DLGAP1: variants seen among roughly 807,000 people sequenced by gnomAD.
DLGAP1 encodes the protein DLG associated protein 1.
A neutral mutation model predicts 90.8 loss-of-function variants in DLGAP1; 11 were observed. That is an observed-to-expected ratio of 0.12 (90% CI 0.08 to 0.20). The LOEUF (loss-of-function observed/expected upper bound fraction) is 0.20, where lower values mean the gene tolerates loss of function less well. DLGAP1 is among the 10% of genes least tolerant of loss of function. The probability of loss-of-function intolerance (pLI) is 1.00; values close to 1 mark genes in which losing one functional copy is unlikely to be tolerated. For synonymous variants in DLGAP1, 558 were observed against 540.7 expected, an observed-to-expected ratio of 1.03 and a Z score of -0.44; for missense variants, 1,050 against 1,333.8, an observed-to-expected ratio of 0.79 and a Z score of 3.31.
chr18:4,157,672 G>A (rs2076779738), intron 1 of DLGAP1, among the ~76,000 whole-genome samples: 1 of 152,198 alleles, frequency 6.6e-6, no homozygotes, highest in Non-Finnish European at 1.5e-5. Flanking sequence ...AGCAGGGGCT[G>A]TCTGCACACT....
intron 2 of DLGAP1, among the ~76,000 whole-genome samples, chr18:4,122,537 T>C (rs1398364643): frequency 2.0e-5 from 3 of 152,230 alleles, no homozygotes; most frequent in African/African-American, 7.2e-5. Flanking sequence ...TGTGGAACTG[T>C]AGTGAAAATG....
intron 7 of DLGAP1, among the ~76,000 whole-genome samples, chr18:3,701,523 A>G (rs1403709593): frequency 1.3e-5 from 2 of 152,254 alleles, no homozygotes; most frequent in Non-Finnish European, 2.9e-5. Flanking sequence ...TGCTTATGTG[A>G]TAAATTTGGT....
chr18:4,307,958 C>T (rs535779606), intron 1 of DLGAP1, among the ~76,000 whole-genome samples: 1 of 152,232 alleles, frequency 6.6e-6, no homozygotes, highest in South Asian at 2.1e-4. Flanking sequence ...TCAGGTGATT[C>T]CCCTGCCTCA....
intron 2 of DLGAP1, among the ~76,000 whole-genome samples, chr18:4,088,440 T>C (rs1207654416): frequency 1.3e-5 from 2 of 152,166 alleles, no homozygotes; most frequent in African/African-American, 2.4e-5. Flanking sequence ...TGTGTGTGTG[T>C]GTGTGTGTGT....
chr18:3,627,748 A>G (rs2058349250), intron 7 of DLGAP1, among the ~76,000 whole-genome samples: 1 of 151,938 alleles, frequency 6.6e-6, no homozygotes, highest in Non-Finnish European at 1.5e-5. Flanking sequence ...GCAACTTCAA[A>G]TTCCTAAGCT....
At chr18:3,635,839 C>A (rs145122143) in intron 7 of DLGAP1, among the ~76,000 whole-genome samples, 2 of 151,530 alleles carry the variant, frequency 1.3e-5, no homozygotes, top group Non-Finnish European at 2.9e-5. Context: ...TTGGTCTTGA[C>A]AGGCCTTCCT....
intron 1 of DLGAP1, among the ~76,000 whole-genome samples, chr18:4,212,971 ATAAAT>A (rs1411588400): frequency 6.6e-6 from 1 of 152,202 alleles, no homozygotes; most frequent in African/African-American, 2.4e-5. Flanking sequence ...AAAGTGGCAA[ATAAAT>A]TATATTTACA....
At chr18:3,930,522 C>A (rs958257220) in intron 3 of DLGAP1, among the ~76,000 whole-genome samples, 7 of 152,100 alleles carry the variant, frequency 4.6e-5, no homozygotes, top group African/African-American at 1.7e-4. Flanking sequence ...CGGATCTGAG[C>A]GTGTCCTGCA....
Position 3,686,826 on chromosome 18 carries a change from A to G in DLGAP1, c.1591+42309T>C, listed in dbSNP as rs1414149122. On this transcript the variant is annotated intron_variant, in intron 7 of 12. Coordinates refer to ENST00000315677, the MANE Select transcript of DLGAP1 (RefSeq NM_004746.4). Reference sequence around the variant, plus strand: ...AATAATGCCCCTCCCCCAGAGATACATAAGTTCTAATCCTGGAACCTATAA... The same window carrying G: ...AATAATGCCCCTCCCCCAGAGATACGTAAGTTCTAATCCTGGAACCTATAA... 2.6e-5 allele frequency among the ~76,000 whole-genome samples: 4 copies of G among 152,212 alleles called. No individual in the cohort carries two copies. In the East Asian group the frequency reaches 5.8e-4, roughly 22 times the overall value.
Position 3,526,362 on chromosome 18 carries a change from G to C in DLGAP1, c.2479+7832C>G, listed in dbSNP as rs565032809. Among the ~76,000 whole-genome samples the C allele has an allele frequency of 6.1e-4, 93 of 152,160 alleles. 1 individual carries two copies. Among genetic ancestry groups the C allele is most frequent in the Non-Finnish European group, 1.1e-3 (73 of 68,026 alleles). ...TAAACCCTGGGTGATGGCACCGATA[G>C]ACCATCACAATGACTGTGCACAGTT... On this transcript the variant is annotated intron_variant, in intron 10 of 12. Transcript: ENST00000315677. The surrounding 1 kb of genome is among the most constrained non-coding windows in gnomAD (Gnocchi z 4.7).
chr18:4,415,936 T>G (rs547289287), intron 1 of DLGAP1, among the ~76,000 whole-genome samples: 2 of 152,186 alleles, frequency 1.3e-5, no homozygotes, highest in Non-Finnish European at 2.9e-5. Context: ...TTTCAGAACT[T>G]GTGAGTCCTC....
chr18:4,400,928 A>C (rs1039218701), intron 1 of DLGAP1, among the ~76,000 whole-genome samples: 5 of 152,078 alleles, frequency 3.3e-5, no homozygotes, highest in Non-Finnish European at 7.4e-5. Flanking sequence ...CTCCCTACTG[A>C]AGTTTACTTT....
At position 3,600,911 on chromosome 18, in the gene DLGAP1, G is replaced by A. The variant is rs1322286510; in HGVS notation, c.1592-18663C>T. ...ATATATAGATATATATAGATATATA[G>A]ATAGATATAGATATATATAGATATA... On this transcript the variant is annotated intron_variant, in intron 7 of 12. Transcript: ENST00000315677. Among the ~76,000 whole-genome samples, 3 of 74,498 alleles carry A rather than the reference G, an allele frequency of 4.0e-5. 1 individual carries two copies. The highest frequency in any genetic ancestry group is 1.4e-4 in the African/African-American group (3 of 21,160). The allele number at this position is 74,498 out of a possible 152,430, so 48.9% of individuals were successfully genotyped here. A position where few individuals can be genotyped will look rare whatever the true frequency, so the allele number is the denominator to read the frequency against.
chr18:3,734,766 T>C (rs2062574826), intron 6 of DLGAP1, among the ~76,000 whole-genome samples: 1 of 152,206 alleles, frequency 6.6e-6, no homozygotes, highest in Non-Finnish European at 1.5e-5. Context: ...TCTTTTGGGT[T>C]ATCTTTTCTT....
intron 2 of DLGAP1, among the ~76,000 whole-genome samples, chr18:4,041,082 CGCAGCACCCGAAGT>C (rs2074967084): frequency 6.6e-6 from 1 of 152,150 alleles, no homozygotes; most frequent in South Asian, 2.1e-4. Flanking sequence ...AGAGAGCAAA[CGCAGCACCCGAAGT>C]GTTCCTCCAA....
intron 3 of DLGAP1, among the ~76,000 whole-genome samples, chr18:3,890,667 T>C (rs1262490734): frequency 6.6e-6 from 1 of 152,230 alleles, no homozygotes; most frequent in Non-Finnish European, 1.5e-5. Context: ...TATTTTTTGC[T>C]GTGATAGAGA....
At position 4,064,490 on chromosome 18, in the gene DLGAP1, A is replaced by G. The variant is rs559829213; in HGVS notation, c.-158-59289T>C. 3.3e-5 allele frequency among the ~76,000 whole-genome samples: 5 copies of G among 152,248 alleles called. No homozygotes were observed. In the South Asian group the frequency reaches 1.0e-3, roughly 32 times the overall value. Reference sequence around the variant, plus strand: ...AAAGAGAGATGATTCAAATGAACACAATCAGAAATGATAAGGGGGACATCA... The same window carrying G: ...AAAGAGAGATGATTCAAATGAACACGATCAGAAATGATAAGGGGGACATCA... On this transcript the variant is annotated intron_variant, in intron 2 of 12. Coordinates refer to ENST00000315677, the MANE Select transcript of DLGAP1 (RefSeq NM_004746.4).
intron 1 of DLGAP1, among the ~76,000 whole-genome samples, chr18:4,154,465 A>C (rs2076723212): frequency 6.6e-6 from 1 of 152,118 alleles, no homozygotes; most frequent in African/African-American, 2.4e-5. Flanking sequence ...CATTCATTTT[A>C]TGTGTGTTAC....
intron 7 of DLGAP1, among the ~76,000 whole-genome samples, chr18:3,703,715 C>G (rs1375389416): frequency 6.6e-6 from 1 of 152,032 alleles, no homozygotes; most frequent in Non-Finnish European, 1.5e-5. Context: ...TTATTTTCCT[C>G]CCGAAGATGC....
Sources: gnomAD v4.1 joint callset for allele counts (sites outside exome capture counted in the v4.1 genomes callset) on GRCh38, gnomAD v4.1.1 for gene constraint, Gnocchi (gnomAD v3.1) non-coding constraint, MANE v1.5 for transcripts, NCBI Gene and HGNC (gene_info 2026-07-23, HGNC 2026-07-21) for gene names.